Variants in VSTM2L observed in about 807,000 individuals in gnomAD.
VSTM2L encodes the protein V-set and transmembrane domain containing 2 like.
In VSTM2L, 9 loss-of-function variants were observed where a neutral mutation model predicts 19.9. The observed-to-expected ratio is 0.45, with a 90% confidence interval of 0.27 to 0.79. The LOEUF is 0.79. Among genes scored for constraint, VSTM2L ranks in the 30% least tolerant of loss-of-function variants. VSTM2L has a pLI of 0.15. For synonymous variants in VSTM2L, 127 were observed against 133.8 expected (o/e 0.95, Z 0.35); for missense variants, 286 against 295.5 (o/e 0.97, Z 0.24).
At chr20:37,919,729 C>T (rs535326523) in intron 1 of VSTM2L, among the ~76,000 whole-genome samples, 1 of 152,212 alleles carries the variant, frequency 6.6e-6, no homozygotes, top group Non-Finnish European at 1.5e-5. Flanking sequence ...CCCAGAGAAT[C>T]ACACTTTTTC....
chr20:37,926,467 C>T (rs1409434496), intron 1 of VSTM2L, among the ~76,000 whole-genome samples: 5 of 152,024 alleles, frequency 3.3e-5, no homozygotes, highest in Non-Finnish European at 7.4e-5. Flanking sequence ...GGCTTGAACC[C>T]GGGAGGCAGA....
At chr20:37,943,535 T>C (rs1600577561) in intron 3 of VSTM2L, among the ~76,000 whole-genome samples, 2 of 151,676 alleles carry the variant, frequency 1.3e-5, no homozygotes, top group East Asian at 3.9e-4. Flanking sequence ...TGCCCTAGGG[T>C]CTACCACTGC....
chr20:37,919,184 C>T (rs1049108487), intron 1 of VSTM2L, among the ~76,000 whole-genome samples: 45 of 152,304 alleles, frequency 3.0e-4, no homozygotes, highest in African/African-American at 1.0e-3. Context: ...CTACTGCACG[C>T]TGAGGCAGAC....
intron 1 of VSTM2L, among the ~76,000 whole-genome samples, chr20:37,924,762 T>C (rs1366935096): frequency 6.6e-6 from 1 of 151,662 alleles, no homozygotes; most frequent in African/African-American, 2.4e-5. Context: ...TCACTCAGAG[T>C]TAGGAGAGGG....
chr20:37,931,516 A>AC (rs2122967074), intron 1 of VSTM2L, 119 bp from the exon 2 acceptor site: 12 of 850,170 alleles, frequency 1.4e-5, no homozygotes, highest in African/African-American at 1.7e-5. Context: ...AGGTCACCCC[A>AC]CCCCCTCCAC....
intron 1 of VSTM2L, among the ~76,000 whole-genome samples, chr20:37,921,937 G>A (rs1466975831): frequency 6.7e-6 from 1 of 148,208 alleles, no homozygotes; most frequent in Non-Finnish European, 1.5e-5. Context: ...TGAACTCCTG[G>A]GCCCCAGCGA....
At chr20:37,921,170 G>A (rs558907919) in intron 1 of VSTM2L, among the ~76,000 whole-genome samples, 1 of 152,298 alleles carries the variant, frequency 6.6e-6, no homozygotes, top group Non-Finnish European at 1.5e-5. Context: ...CACCAAGCAG[G>A]GCTTCCACCC....
chr20:37,944,444 GA>G lies in VSTM2L; in HGVS notation c.*192del. The G allele has an allele frequency of 1.3e-6, 1 of 749,648 alleles. No homozygotes were observed. The highest frequency in any genetic ancestry group is 1.9e-6 in the Non-Finnish European group (1 of 537,174). The allele number at this position is 749,648 out of a possible 1,614,324, so 46.4% of individuals were successfully genotyped here. ...AGCCCCACCCACCCCTGCCCTTTCA[GA>G]CCCCTGCGGTGACCTGGCTCGGAGA... On this transcript the variant is annotated 3_prime_UTR_variant, in exon 4 of 4. Coordinates refer to ENST00000373461, the MANE Select transcript of VSTM2L (RefSeq NM_080607.3).
intron 1 of VSTM2L, among the ~76,000 whole-genome samples, chr20:37,926,498 A>G (rs1176943614): frequency 2.0e-5 from 3 of 152,222 alleles, no homozygotes; most frequent in African/African-American, 2.4e-5. Context: ...AGCCGAGATC[A>G]TGCCAGCACT....
intron 1 of VSTM2L, among the ~76,000 whole-genome samples, chr20:37,911,257 A>AAAAAAAG (rs1555839035): frequency 3.0e-5 from 4 of 131,644 alleles, no homozygotes; most frequent in African/African-American, 1.0e-4. Flanking sequence ...AAAAAAAAAA[A>AAAAAAAG]AAGCTGGGAT....
intron 1 of VSTM2L, among the ~76,000 whole-genome samples, chr20:37,920,714 C>T (rs1316440941): frequency 6.6e-6 from 1 of 152,200 alleles, no homozygotes; most frequent in Non-Finnish European, 1.5e-5. Context: ...ACATGTCTGT[C>T]CCTATCCCTG....
At chr20:37,911,687 T>A (rs938978456) in intron 1 of VSTM2L, among the ~76,000 whole-genome samples, 2 of 151,832 alleles carry the variant, frequency 1.3e-5, no homozygotes, top group Non-Finnish European at 2.9e-5. Flanking sequence ...GCTGGGGTAA[T>A]GCTGTTTTTT....
intron 1 of VSTM2L, among the ~76,000 whole-genome samples, chr20:37,926,436 C>T (rs2072879570): frequency 6.6e-6 from 1 of 152,070 alleles, no homozygotes. Context: ...GCACTGTAAT[C>T]CCAGCTACTT....
intron 1 of VSTM2L, among the ~76,000 whole-genome samples, chr20:37,917,595 T>A (rs1448865494): frequency 2.0e-5 from 3 of 152,238 alleles, no homozygotes; most frequent in Non-Finnish European, 4.4e-5. Flanking sequence ...CTCAGAGTAG[T>A]GAAGCAGCTT....
At chr20:37,909,164 C>T (rs990146112) in intron 1 of VSTM2L, among the ~76,000 whole-genome samples, 1 of 152,150 alleles carries the variant, frequency 6.6e-6, no homozygotes, top group Non-Finnish European at 1.5e-5. Context: ...CAATGGCCTC[C>T]GCATTCCACA....
intron 1 of VSTM2L, among the ~76,000 whole-genome samples, chr20:37,925,592 C>A (rs1002088598): frequency 3.3e-5 from 5 of 152,184 alleles, no homozygotes; most frequent in African/African-American, 1.2e-4. Context: ...CCAGATTTGT[C>A]GTCAGATGCC....
chr20:37,910,394 C>T (rs2072773283), intron 1 of VSTM2L, among the ~76,000 whole-genome samples: 2 of 152,240 alleles, frequency 1.3e-5, no homozygotes, highest in African/African-American at 4.8e-5. Context: ...ATGCTCCATA[C>T]TCTTCATACT....
intron 1 of VSTM2L, among the ~76,000 whole-genome samples, chr20:37,912,547 G>T (rs781281959): frequency 5.9e-5 from 9 of 152,300 alleles, no homozygotes; most frequent in Admixed American, 2.0e-4. Flanking sequence ...GGTTGAAGGG[G>T]CAGTGCAGGC....
intron 1 of VSTM2L, among the ~76,000 whole-genome samples, chr20:37,921,654 A>T (rs551648010): frequency 2.6e-4 from 39 of 151,862 alleles, no homozygotes; most frequent in Middle Eastern, 3.4e-3. Context: ...GGGAGTGATG[A>T]GTGGTAAGGA....
Sources: allele counts gnomAD v4.1 joint callset (sites outside exome capture counted in the v4.1 genomes callset), GRCh38; gene constraint gnomAD v4.1.1; transcripts MANE v1.5; gene names NCBI Gene and HGNC (gene_info 2026-07-23, HGNC 2026-07-21).